LAMA4: variants seen among roughly 807,000 people sequenced by gnomAD.
LAMA4 encodes laminin subunit alpha 4.
In LAMA4, 127 loss-of-function variants were observed where a neutral mutation model predicts 207.1. The observed-to-expected ratio is 0.61, with a 90% CI of 0.53 to 0.71. The LOEUF is 0.71. LAMA4 is among the 30% of genes least tolerant of loss of function. The pLI is 0.00. For missense variants in LAMA4, 2,093 were observed against 2,246.5 expected (o/e 0.93, Z 1.38); for synonymous variants, 761 against 816.0 (o/e 0.93, Z 1.15).
intron 35 of LAMA4, 134 bp from the exon 36 acceptor site, chr6:112,116,127 G>T: frequency 2.3e-6 from 2 of 879,240 alleles, no homozygotes; most frequent in Non-Finnish European, 1.7e-6. Flanking sequence ...AGTAGAAAGT[G>T]GCTTTTCCAT....
rs1483022627 is a variant in LAMA4 at position 112,115,781 on chromosome 6, A to G, written c.5112+82T>C. ...TTTTCAGTTAGGAAAGATTGATGAA[A>G]TAATTCTGTGAAATAAATCTGCTTC... On this transcript the variant is annotated intron_variant, in intron 36 of 38. Transcript: ENST00000230538. 17 of 1,389,976 alleles carry G rather than the reference A, an allele frequency of 1.2e-5. No individual in the cohort carries two copies. In the African/African-American group the frequency reaches 1.9e-4, roughly 15 times the overall value. 86.1% of individuals were successfully genotyped at this position (1,389,976 alleles called of 1,614,324 possible).
At chr6:112,142,089 T>C in intron 20 of LAMA4, 30 bp downstream of exon 20, 3 of 1,612,396 alleles carry the variant, frequency 1.9e-6, no homozygotes, top group South Asian at 2.2e-5. Flanking sequence ...TTGTAAATAT[T>C]ATTCCCTCCT....
At position 112,146,011 on chromosome 6, in the gene LAMA4, T is replaced by C. The variant is rs531381877; in HGVS notation, c.2354-1078A>G. 3.3e-5 allele frequency among the ~76,000 whole-genome samples: 5 copies of C among 152,212 alleles called. No individual in the cohort carries two copies. In the East Asian group the frequency reaches 9.7e-4, roughly 29 times the overall value. On this transcript the variant is annotated intron_variant, in intron 18 of 38. Coordinates refer to ENST00000230538, the MANE Select transcript of LAMA4 (RefSeq NM_001105206.3). ...AACATAGAAAAGAGCGCAAGTCAGATGGGCTTGATGGCTCACACCTGTAAT... is the reference window on the plus strand; with the variant it reads ...AACATAGAAAAGAGCGCAAGTCAGACGGGCTTGATGGCTCACACCTGTAAT...
rs531319918 is a variant in LAMA4 at position 112,216,418 on chromosome 6, C to T, written c.247G>A (p.Asp83Asn). The change falls in exon 3 of 39, where the codon GAC becomes AAC. Residue 83 changes from aspartate (D) to asparagine (N), a missense_variant. By Grantham distance (23) the Asp-to-Asn change is conservative. Coordinates refer to ENST00000230538, the MANE Select transcript of LAMA4 (RefSeq NM_001105206.3). The part of the protein sequence containing the change: ...HTLSGECVPC[D>N]CNGNSNECLD... Reference sequence around the variant, plus strand: ...CACTCGTTGGAATTGCCATTACAGTCGCAGGGCACACATTCTCCCGACAGG... The same window carrying T: ...CACTCGTTGGAATTGCCATTACAGTTGCAGGGCACACATTCTCCCGACAGG... The T allele has an allele frequency of 9.3e-6, 15 of 1,614,070 alleles. No individual in the cohort carries two copies. Among genetic ancestry groups the T allele is most frequent in the Middle Eastern group, 1.6e-4 (1 of 6,062 alleles).
chr6:112,161,737 G>C (rs1781064193), intron 13 of LAMA4, among the ~76,000 whole-genome samples: 1 of 152,170 alleles, frequency 6.6e-6, no homozygotes, highest in Non-Finnish European at 1.5e-5. Flanking sequence ...AGTGGGGTAA[G>C]GGGTTCATTT....
At chr6:112,119,931 C>A (rs764196) in intron 33 of LAMA4, among the ~76,000 whole-genome samples, 118,466 of 152,106 alleles carry the variant, frequency 0.78, 46,599 homozygotes, top group African/African-American at 0.86. Flanking sequence ...CTGATTTACT[C>A]TTCACTTTGT....
At chr6:112,147,585 C>G (rs1170525382) in intron 18 of LAMA4, among the ~76,000 whole-genome samples, 2 of 152,102 alleles carry the variant, frequency 1.3e-5, no homozygotes, top group Non-Finnish European at 2.9e-5. Context: ...CTGCCTGGTT[C>G]TAATATCTAC....
chr6:112,204,898 T>C (rs1422267368), intron 4 of LAMA4, among the ~76,000 whole-genome samples: 1 of 152,190 alleles, frequency 6.6e-6, no homozygotes, highest in Non-Finnish European at 1.5e-5. Flanking sequence ...GGACTGAAAC[T>C]CGTCTGACTA....
intron 5 of LAMA4, chr6:112,200,202 C>A (rs781927821): frequency 4.9e-5 from 26 of 527,036 alleles, no homozygotes; most frequent in Admixed American, 4.4e-4. Flanking sequence ...AAGCCCAGAG[C>A]AGTTTAGAAA....
intron 5 of LAMA4, among the ~76,000 whole-genome samples, chr6:112,201,263 C>T (rs1326063702): frequency 3.9e-5 from 6 of 152,166 alleles, no homozygotes; most frequent in African/African-American, 1.4e-4. Context: ...TTCTGGGGAA[C>T]ACTAATTTTA....
At chr6:112,151,637 C>T (rs782543634) in intron 16 of LAMA4, among the ~76,000 whole-genome samples, 1 of 151,998 alleles carries the variant, frequency 6.6e-6, no homozygotes, top group Non-Finnish European at 1.5e-5. Context: ...ATTGCAAACA[C>T]TGTTATTTTT....
At chr6:112,166,546 A>C (rs1781393132) in intron 12 of LAMA4, 1 of 153,638 alleles carries the variant, frequency 6.5e-6, no homozygotes, top group African/African-American at 2.4e-5. Context: ...CCCCTTCTGT[A>C]AGTTCTCTCT....
intron 36 of LAMA4, among the ~76,000 whole-genome samples, chr6:112,115,026 A>G (rs1554323110): frequency 6.6e-6 from 1 of 152,180 alleles, no homozygotes; most frequent in Non-Finnish European, 1.5e-5. Context: ...ATTTCTAAAG[A>G]TTGAGTGTGT....
intron 5 of LAMA4, 40 bp downstream of exon 5, chr6:112,201,568 C>T: frequency 2.6e-6 from 4 of 1,525,614 alleles, no homozygotes; most frequent in Non-Finnish European, 3.6e-6. Flanking sequence ...AGAAAGCTTC[C>T]TTTGACCCAC....
Position 112,117,977 on chromosome 6 carries a change from G to C in LAMA4, c.4822-79C>G. ...GGGGAAGCAAAATGAGGGGGTTTGA[G>C]TCCTGAAGGAACCCACGTAATTCCT... On this transcript the variant is annotated intron_variant, in intron 34 of 38. Coordinates refer to ENST00000230538, the MANE Select transcript of LAMA4 (RefSeq NM_001105206.3). The surrounding 1 kb of genome is among the most constrained non-coding windows in gnomAD (Gnocchi z 4.5). 8.3e-7 allele frequency: 1 copy of C among 1,200,968 alleles called. No individual in the cohort carries two copies. Among genetic ancestry groups the C allele is most frequent in the Admixed American group, 1.7e-5 (1 of 58,374 alleles). The allele number at this position is 1,200,968 out of a possible 1,614,324, so 74.4% of individuals were successfully genotyped here. A position where few individuals can be genotyped will look rare whatever the true frequency, so the allele number is the denominator to read the frequency against.
intron 13 of LAMA4, among the ~76,000 whole-genome samples, chr6:112,161,499 C>T (rs1266952353): frequency 6.6e-6 from 1 of 152,192 alleles, no homozygotes; most frequent in Admixed American, 6.5e-5. Context: ...GGACATACCA[C>T]TTTTACTCAT....
chr6:112,222,683 A>G (rs1470384718), intron 2 of LAMA4, among the ~76,000 whole-genome samples: 1 of 152,230 alleles, frequency 6.6e-6, no homozygotes, highest in Non-Finnish European at 1.5e-5. Flanking sequence ...GGTGGAAACC[A>G]GTGCTCCACT....
In LAMA4 at chr6:112,114,032, C is replaced by A. The variant is rs1777860815; in HGVS notation, c.5326+44G>T. On this transcript the variant is annotated intron_variant, in intron 38 of 38. Coordinates refer to ENST00000230538, the MANE Select transcript of LAMA4 (RefSeq NM_001105206.3). The stretch of plus-strand genomic sequence containing the variant: ...TTCTACAATAACAATTGTGAGAACT[C>A]AGTTTTTTGGATTGGGAACTTTTCC... 13 of 1,609,950 alleles carry A rather than the reference C, an allele frequency of 8.1e-6. No individual in the cohort carries two copies. The East Asian group carries it at 2.9e-4, about 36-fold the overall frequency.
intron 32 of LAMA4, among the ~76,000 whole-genome samples, chr6:112,121,608 A>C (rs1778361825): frequency 6.6e-6 from 1 of 152,206 alleles, no homozygotes; most frequent in African/African-American, 2.4e-5. Context: ...ATACAAGCAT[A>C]TTTGTATTTT....
Sources: gnomAD v4.1 joint callset for allele counts (sites outside exome capture counted in the v4.1 genomes callset) on GRCh38, gnomAD v4.1.1 for gene constraint, Gnocchi (gnomAD v3.1) non-coding constraint, MANE v1.5 for transcripts, NCBI Gene and HGNC (gene_info 2026-07-23, HGNC 2026-07-21) for gene names.